The following ICE2 variants were observed in gnomAD, a reference collection of about 807,000 sequenced individuals.
ICE2 encodes little elongation complex subunit 2.
ICE2 carries 87 observed loss-of-function variants against 105.4 expected under a neutral mutation model. That is an observed-to-expected ratio of 0.83 (90% CI 0.69 to 0.99). The LOEUF (loss-of-function observed/expected upper bound fraction) is 0.99, where lower values mean the gene tolerates loss of function less well. ICE2 is among the 50% of genes least tolerant of loss of function. ICE2 has a pLI of 0.00. For synonymous variants in ICE2, 399 were observed against 392.0 expected (o/e 1.02, Z -0.21); for missense variants, 1,323 against 1,146.7 (o/e 1.15, Z -2.22).
intron 11 of ICE2, among the ~76,000 whole-genome samples, chr15:60,445,216 G>A (rs1470894339): frequency 1.3e-5 from 2 of 152,176 alleles, no homozygotes; most frequent in African/African-American, 4.8e-5. Context: ...TAAGCAAGTT[G>A]GTTTTTAGGT....
At chr15:60,466,533 T>A in intron 5 of ICE2, 61 bp downstream of exon 5, 1 of 1,584,034 alleles carries the variant, frequency 6.3e-7, no homozygotes, top group Non-Finnish European at 8.6e-7. Flanking sequence ...CATCACATAT[T>A]TCAGAATGCT....
intron 15 of ICE2, among the ~76,000 whole-genome samples, chr15:60,425,286 G>A (rs1163821243): frequency 3.3e-5 from 5 of 152,066 alleles, no homozygotes; most frequent in Non-Finnish European, 5.9e-5. Context: ...AAAGTGCTGC[G>A]ACTTTTGGAT....
rs142084426 is a variant in ICE2 at position 60,435,989 on chromosome 15, A to C, written c.2510+154T>G. On this transcript the variant is annotated intron_variant, in intron 13 of 15. Coordinates refer to ENST00000261520, the MANE Select transcript of ICE2 (RefSeq NM_024611.6). ...CTGTCTCAAACACACAAAGAACAAA[A>C]AAAAAGACAAAACAAAACTGAGTCC... is the stretch of plus-strand genomic sequence containing the variant. 2.1e-3 allele frequency among the ~76,000 whole-genome samples: 318 copies of C among 152,334 alleles called. 1 individual carries two copies. Among genetic ancestry groups the C allele is most frequent in the Non-Finnish European group, 3.7e-3 (253 of 68,038 alleles).
intron 14 of ICE2, among the ~76,000 whole-genome samples, chr15:60,429,468 A>G (rs11857156): frequency 0.52 from 79,242 of 152,022 alleles, 22,642 homozygotes; most frequent in East Asian, 0.84. Flanking sequence ...TTGAACATCA[A>G]ATCCACATTT....
intron 3 of ICE2, among the ~76,000 whole-genome samples, chr15:60,472,277 T>C (rs2064622278): frequency 6.6e-6 from 1 of 151,944 alleles, no homozygotes; most frequent in South Asian, 2.1e-4. Context: ...GCACAGAGAG[T>C]AAAAGGAAAA....
At chr15:60,444,484 C>G (rs1283154529) in intron 11 of ICE2, among the ~76,000 whole-genome samples, 2 of 151,882 alleles carry the variant, frequency 1.3e-5, no homozygotes, top group African/African-American at 2.4e-5. Flanking sequence ...ATTTTTTTCC[C>G]TTGATAAATG....
intron 3 of ICE2, among the ~76,000 whole-genome samples, chr15:60,474,478 C>T (rs1028193779): frequency 6.6e-6 from 1 of 152,046 alleles, no homozygotes. Context: ...CTATAGAATA[C>T]AATACAGCTA....
chr15:60,475,330 C>A (rs2064728886), intron 3 of ICE2, among the ~76,000 whole-genome samples: 1 of 152,036 alleles, frequency 6.6e-6, no homozygotes, highest in African/African-American at 2.4e-5. Context: ...AGGAAAAAAA[C>A]CTTTAGCAAT....
In ICE2 at chr15:60,447,012, C is replaced by T. The variant is rs61406742; in HGVS notation, c.2295+958G>A. 5.0e-3 allele frequency among the ~76,000 whole-genome samples: 761 copies of T among 151,918 alleles called. 2 individuals are homozygous for T. The highest frequency in any genetic ancestry group is 0.018 in the African/African-American group (730 of 41,446). On this transcript the variant is annotated intron_variant, in intron 11 of 15. Transcript: ENST00000261520. ...TTTACCAGAACTCAGTAGTCATACA[C>T]ACAAAAAAATGCAAACTAATCTGAA...
At chr15:60,440,400 T>A (rs997471991) in intron 12 of ICE2, 1 of 152,216 alleles carries the variant, frequency 6.6e-6, no homozygotes, top group African/African-American at 2.4e-5. Context: ...TGTGGGAAAC[T>A]GTCTTAAAGG....
At chr15:60,442,324 A>G (rs1362965507) in intron 12 of ICE2, 92 bp downstream of exon 12, 1 of 1,198,912 alleles carries the variant, frequency 8.3e-7, no homozygotes, top group Admixed American at 2.5e-5. Flanking sequence ...CGAAAGTAAA[A>G]AAGGGCAGAA....
At chr15:60,430,704 G>C (rs577046090) in intron 14 of ICE2, among the ~76,000 whole-genome samples, 2 of 152,252 alleles carry the variant, frequency 1.3e-5, no homozygotes, top group African/African-American at 4.8e-5. Flanking sequence ...GAATTCTTCA[G>C]AACTAGAGCT....
intron 11 of ICE2, among the ~76,000 whole-genome samples, chr15:60,447,224 A>C (rs935517855): frequency 2.6e-5 from 4 of 152,236 alleles, no homozygotes; most frequent in Non-Finnish European, 5.9e-5. Context: ...GCCATCTTTC[A>C]AAAGTTCTAC....
chr15:60,440,554 G>T (rs2063697352), intron 12 of ICE2: 1 of 152,110 alleles, frequency 6.6e-6, no homozygotes, highest in Admixed American at 6.5e-5. Flanking sequence ...ATAAGCTATA[G>T]AATTGATTCT....
At chr15:60,478,139 G>C in intron 1 of ICE2, 70 bp from the exon 2 acceptor site, 1 of 656,916 alleles carries the variant, frequency 1.5e-6, no homozygotes, top group Non-Finnish European at 2.7e-6. Flanking sequence ...AGGTGAGGAA[G>C]AATCTCTCCC....
In ICE2 at chr15:60,478,046, AG is replaced by A; in HGVS notation, c.-70del. 2 of 1,429,160 alleles carry A rather than the reference AG, an allele frequency of 1.4e-6. No individual in the cohort carries two copies. The highest frequency in any genetic ancestry group is 2.3e-5 in the South Asian group (2 of 87,460). 88.5% of individuals were successfully genotyped at this position (1,429,160 alleles called of 1,614,324 possible). On this transcript the variant is annotated 5_prime_UTR_variant, in exon 2 of 16. Transcript: ENST00000261520. ...CCTGGCTGCGAAGGCTCCAAGAGGC[AG>A]GATCCCTCCAGAACTTACTCAGCTG...
chr15:60,460,953 C>T (rs1001897791), intron 5 of ICE2, among the ~76,000 whole-genome samples: 3 of 152,136 alleles, frequency 2.0e-5, no homozygotes, highest in African/African-American at 7.2e-5. Context: ...CCTGACACTT[C>T]CAGTTGGATA....
chr15:60,466,546 T>C, intron 5 of ICE2, 48 bp downstream of exon 5: 2 of 1,598,296 alleles, frequency 1.3e-6, no homozygotes, highest in South Asian at 1.1e-5. Context: ...AGAATGCTGC[T>C]ATTGCCTATC....
chr15:60,432,982 A>G (rs1255494657), intron 13 of ICE2, among the ~76,000 whole-genome samples: 1 of 152,130 alleles, frequency 6.6e-6, no homozygotes. Context: ...TCTTTCAGAG[A>G]TGGTGGTGAA....
Sources: allele counts gnomAD v4.1 joint callset (sites outside exome capture counted in the v4.1 genomes callset), GRCh38; gene constraint gnomAD v4.1.1; transcripts MANE v1.5; gene names NCBI Gene and HGNC (gene_info 2026-07-23, HGNC 2026-07-21).